ZZEF1: variants seen among roughly 807,000 people sequenced by gnomAD.
ZZEF1 encodes zinc finger ZZ-type and EF-hand domain-containing protein 1.
In ZZEF1, 157 loss-of-function variants were observed where a neutral mutation model predicts 342.8. The observed-to-expected ratio is 0.46, with a 90% confidence interval of 0.40 to 0.52. The LOEUF is 0.52. ZZEF1 is among the 20% of genes least tolerant of loss of function. The probability of loss-of-function intolerance (pLI) is 0.00; values close to 1 mark genes in which losing one functional copy is unlikely to be tolerated. For synonymous variants in ZZEF1, 1,505 were observed against 1,429.1 expected (o/e 1.05, Z -1.20); for missense variants, 3,480 against 3,725.6 (o/e 0.93, Z 1.72).
intron 9 of ZZEF1, among the ~76,000 whole-genome samples, chr17:4,099,266 C>T (rs2058087719): frequency 6.6e-6 from 1 of 152,066 alleles, no homozygotes; most frequent in Non-Finnish European, 1.5e-5. Flanking sequence ...GCTCTGTTGC[C>T]CAGGCTGGAG....
At chr17:4,049,163 T>C (rs1250675916) in intron 37 of ZZEF1, among the ~76,000 whole-genome samples, 1 of 152,118 alleles carries the variant, frequency 6.6e-6, no homozygotes, top group African/African-American at 2.4e-5. Context: ...TATATACAAC[T>C]CCTCACAATA....
rs2145647715 is a variant in ZZEF1 at position 4,143,011 on chromosome 17, C to T, written c.-116G>A. ...GGACGCGGAGGAGACGACGGCGGCCCCTGCGGCTTCCGGCTTCCTGGCCGT... is the reference window on the plus strand; with the variant it reads ...GGACGCGGAGGAGACGACGGCGGCCTCTGCGGCTTCCGGCTTCCTGGCCGT... On this transcript the variant is annotated 5_prime_UTR_variant, in exon 1 of 55. Transcript: ENST00000381638. 1 of 1,268,638 alleles carries T rather than the reference C, an allele frequency of 7.9e-7. No homozygotes were observed. Among genetic ancestry groups the T allele is most frequent in the Non-Finnish European group, 9.9e-7 (1 of 1,011,982 alleles). The allele number at this position is 1,268,638 out of a possible 1,614,324, so 78.6% of individuals were successfully genotyped here.
At chr17:4,007,586 G>A (rs1015186622) in intron 54 of ZZEF1, among the ~76,000 whole-genome samples, 1 of 152,198 alleles carries the variant, frequency 6.6e-6, no homozygotes, top group African/African-American at 2.4e-5. Context: ...CAGGCAAGCC[G>A]CCATGCTGAG....
intron 5 of ZZEF1, among the ~76,000 whole-genome samples, chr17:4,111,661 A>AAAAAAAAAAAAAG (rs150016203): frequency 0.37 from 50,843 of 138,064 alleles, 9,829 homozygotes; most frequent in African/African-American, 0.41. Flanking sequence ...TCTGTCTCAA[A>AAAAAAAAAAAAAG]AAAAAAATAT....
chr17:4,064,917 T>G, intron 28 of ZZEF1, 88 bp from the exon 29 acceptor site: 2 of 957,658 alleles, frequency 2.1e-6, no homozygotes, highest in Non-Finnish European at 3.0e-6. Context: ...TTAGAGGATA[T>G]ACCTAATGTA....
chr17:4,097,341 T>C (rs1196345522), intron 9 of ZZEF1, among the ~76,000 whole-genome samples: 1 of 151,974 alleles, frequency 6.6e-6, no homozygotes, highest in Admixed American at 6.6e-5. Context: ...CAATCAATCA[T>C]CTTCCTGAGC....
intron 2 of ZZEF1, among the ~76,000 whole-genome samples, chr17:4,122,348 C>T (rs562902890): frequency 2.7e-5 from 4 of 149,758 alleles, no homozygotes; most frequent in Admixed American, 2.0e-4. Flanking sequence ...AGCTCCCCCC[C>T]AAAAAAATAC....
intron 8 of ZZEF1, among the ~76,000 whole-genome samples, chr17:4,103,882 T>C (rs1473137192): frequency 6.6e-6 from 1 of 152,220 alleles, no homozygotes. Flanking sequence ...ATCATGCCAC[T>C]GCACTCCAAT....
chr17:4,022,660 A>G (rs759199926), intron 44 of ZZEF1, 49 bp downstream of exon 44: 2 of 1,611,700 alleles, frequency 1.2e-6, no homozygotes, highest in Non-Finnish European at 8.5e-7. Context: ...CTCCTAGGCC[A>G]GCACATCTGC....
chr17:4,062,732 G>A, intron 30 of ZZEF1, 21 bp downstream of exon 30: 1 of 1,577,126 alleles, frequency 6.3e-7, no homozygotes, highest in Non-Finnish European at 8.6e-7. Context: ...TTTTCCTTCT[G>A]GACCTGTCCT....
intron 26 of ZZEF1, among the ~76,000 whole-genome samples, chr17:4,069,639 T>C (rs1005860174): frequency 6.6e-6 from 1 of 152,166 alleles, no homozygotes; most frequent in African/African-American, 2.4e-5. Context: ...AAGACCAGCC[T>C]GGCCAACAGG....
intron 39 of ZZEF1, among the ~76,000 whole-genome samples, chr17:4,039,803 C>A (rs1401940733): frequency 6.6e-6 from 1 of 151,924 alleles, no homozygotes; most frequent in East Asian, 1.9e-4. Flanking sequence ...GCCACCACGC[C>A]TGGCTAATTT....
At chr17:4,118,497 G>A (rs919173660) in intron 2 of ZZEF1, among the ~76,000 whole-genome samples, 1 of 152,194 alleles carries the variant, frequency 6.6e-6, no homozygotes, top group Non-Finnish European at 1.5e-5. Context: ...GACACCTCAA[G>A]CACCATCAGA....
intron 1 of ZZEF1, among the ~76,000 whole-genome samples, chr17:4,136,990 G>A (rs577005500): frequency 5.3e-5 from 8 of 152,102 alleles, no homozygotes; most frequent in African/African-American, 1.7e-4. Flanking sequence ...CAGACAGGAG[G>A]AGAAGGAGAG....
chr17:4,042,647 C>A, intron 38 of ZZEF1, 79 bp from the exon 39 acceptor site: 2 of 1,353,782 alleles, frequency 1.5e-6, no homozygotes, highest in Non-Finnish European at 1.0e-6. Flanking sequence ...TGCACTGTCC[C>A]CTGTGCTGCT....
intron 41 of ZZEF1, 98 bp from the exon 42 acceptor site, chr17:4,032,356 T>C: frequency 7.6e-7 from 1 of 1,316,804 alleles, no homozygotes; most frequent in Non-Finnish European, 1.0e-6. Flanking sequence ...GTGCCTCTGA[T>C]TTCAACAAGC....
Position 4,014,086 on chromosome 17 carries a change from A to C in ZZEF1, c.8413+4T>G. ...GGTGTGAACGCAAAGCCCAGAGCACACACCTGTCTGGAACCGCCCCAGGTG... is the reference window on the plus strand; with the variant it reads ...GGTGTGAACGCAAAGCCCAGAGCACCCACCTGTCTGGAACCGCCCCAGGTG... On this transcript the variant is annotated splice_donor_region_variant and intron_variant, in intron 51 of 54. Coordinates refer to ENST00000381638, the MANE Select transcript of ZZEF1 (RefSeq NM_015113.4). The surrounding 1 kb of genome is among the most constrained non-coding windows in gnomAD (Gnocchi z 4.4). 1 of 1,613,898 alleles carries C rather than the reference A, an allele frequency of 6.2e-7. No homozygotes were observed. The highest frequency in any genetic ancestry group is 8.5e-7 in the Non-Finnish European group (1 of 1,179,918).
At chr17:4,071,040 G>T in intron 25 of ZZEF1, 116 bp from the exon 26 acceptor site, 1 of 1,232,628 alleles carries the variant, frequency 8.1e-7, no homozygotes, top group Non-Finnish European at 1.1e-6. Context: ...CTCTCCGGAA[G>T]TTTAAATCTA....
chr17:4,039,837 G>C (rs187528428), intron 39 of ZZEF1, among the ~76,000 whole-genome samples: 1 of 151,782 alleles, frequency 6.6e-6, no homozygotes, highest in Non-Finnish European at 1.5e-5. Flanking sequence ...GTTGAGATGG[G>C]GTTTCACTGT....
Sources: gnomAD v4.1 joint callset for allele counts (sites outside exome capture counted in the v4.1 genomes callset) on GRCh38, gnomAD v4.1.1 for gene constraint, Gnocchi (gnomAD v3.1) non-coding constraint, MANE v1.5 for transcripts, NCBI Gene and HGNC (gene_info 2026-07-23, HGNC 2026-07-21) for gene names.